CNPY4: variants seen among roughly 807,000 people sequenced by gnomAD.
CNPY4 encodes canopy FGF signaling regulator 4, also known as protein canopy homolog 4.
Under a neutral mutation model 30.1 loss-of-function variants are expected in CNPY4, and 33 were observed. The ratio of observed to expected loss-of-function variants is 1.10; its 90% confidence interval spans 0.83 to 1.46. The LOEUF is 1.46. CNPY4 is among the 40% of genes most tolerant of loss of function. CNPY4 has a pLI of 0.00. For synonymous variants in CNPY4, 109 were observed against 110.1 expected (o/e 0.99, Z 0.06); for missense variants, 324 against 302.6 (o/e 1.07, Z -0.52).
chr7:100,124,376 T>C, intron 4 of CNPY4, 138 bp from the exon 5 acceptor site: 2 of 653,482 alleles, frequency 3.1e-6, no homozygotes, highest in African/African-American at 1.8e-5. Flanking sequence ...TGAATGAGGA[T>C]TGCACATCTA....
chr7:100,123,446 A>C (rs1798125156), intron 4 of CNPY4, among the ~76,000 whole-genome samples: 1 of 152,092 alleles, frequency 6.6e-6, no homozygotes, highest in South Asian at 2.1e-4. Context: ...AGGGAGAAGG[A>C]CTGTTTGAGA....
intron 4 of CNPY4, 21 bp from the exon 5 acceptor site, chr7:100,124,493 C>T (rs1422898043): frequency 3.2e-6 from 5 of 1,567,046 alleles, no homozygotes; most frequent in Non-Finnish European, 4.4e-6. Flanking sequence ...AGATACTCTT[C>T]TGGCCCTTCT....
Position 100,119,741 on chromosome 7 carries a change from T to C in CNPY4, c.-4T>C. The C allele has an allele frequency of 6.2e-7, 1 of 1,614,202 alleles. No homozygotes were observed. The highest frequency in any genetic ancestry group is 1.1e-5 in the South Asian group (1 of 91,086). ...CGGTGATTGTTTGTAGACGGCGCTT[T>C]GTCATGGGACCTGTGCGGTTGGGAA... On this transcript the variant is annotated 5_prime_UTR_variant, in exon 1 of 6. Coordinates refer to ENST00000262932, the MANE Select transcript of CNPY4 (RefSeq NM_152755.2).
intron 1 of CNPY4, chr7:100,121,112 A>AT (rs1798040006): frequency 7.5e-4 from 23 of 30,714 alleles, no homozygotes; most frequent in South Asian, 1.2e-3. Flanking sequence ...ATATATATAT[A>AT]TATATTTTTT....
chr7:100,122,562 A>G lies in CNPY4; in HGVS notation c.327A>G (p.Ser109=). 6.2e-7 allele frequency: 1 copy of G among 1,610,344 alleles called. No homozygotes were observed. Among genetic ancestry groups the G allele is most frequent in the South Asian group, 1.1e-5 (1 of 90,630 alleles). The change falls in exon 3 of 6, where the codon TCA becomes TCG. Residue 109 remains serine, a synonymous_variant. Coordinates refer to ENST00000262932, the MANE Select transcript of CNPY4 (RefSeq NM_152755.2). ...DYSVHAERKG[S]LRYAKGQSQT... is the part of the protein sequence containing the mutation. The stretch of plus-strand genomic sequence containing the variant: ...GTGTTCACGCTGAGCGCAAGGGCTC[A>G]CTGAGATATGCCAAGGTCAGACCCT...
At chr7:100,121,864 C>T (rs552630256) in intron 1 of CNPY4, among the ~76,000 whole-genome samples, 12 of 148,992 alleles carry the variant, frequency 8.1e-5, no homozygotes, top group South Asian at 4.3e-4. Context: ...TCCTGGCTAA[C>T]ACGGTGAAAC....
chr7:100,123,391 G>C (rs548904312), intron 4 of CNPY4, among the ~76,000 whole-genome samples: 1 of 151,938 alleles, frequency 6.6e-6, no homozygotes, highest in African/African-American at 2.4e-5. Flanking sequence ...ATAATGAGCC[G>C]GGTGGAGTGG....
chr7:100,121,004 T>C (rs1220332226), intron 1 of CNPY4, among the ~76,000 whole-genome samples: 1 of 150,786 alleles, frequency 6.6e-6, no homozygotes, highest in East Asian at 1.9e-4. Context: ...GTGCTCACTA[T>C]GTGCCAGCCT....
Position 100,122,358 on chromosome 7 carries a change from G to A in CNPY4, c.218G>A (p.Arg73Lys), listed in dbSNP as rs770858624. 6.2e-7 allele frequency: 1 copy of A among 1,614,168 alleles called. No homozygotes were observed. Among genetic ancestry groups the A allele is most frequent in the East Asian group, 2.2e-5 (1 of 44,880 alleles). The change falls in exon 2 of 6, where the codon AGG becomes AAG. Residue 73 changes from arginine (R) to lysine (K), a missense_variant. By Grantham distance (26) the Arg-to-Lys change is conservative. Coordinates refer to ENST00000262932, the MANE Select transcript of CNPY4 (RefSeq NM_152755.2). ...ELGQVLDTGK[R>K]KRHVPYSVSE... ...GGGCAGGTGCTGGATACAGGCAAGA[G>A]GAAGAGACACGTGCCTTACAGCGTT...
In CNPY4 at chr7:100,122,512, T is replaced by G. The variant is rs777487086; in HGVS notation, c.277T>G (p.Leu93Val). The G allele has an allele frequency of 6.2e-7, 1 of 1,613,882 alleles. No individual in the cohort carries two copies. Among genetic ancestry groups the G allele is most frequent in the East Asian group, 2.2e-5 (1 of 44,868 alleles). Reference sequence around the variant, plus strand: ...AAGGCTGGAAGAGGCCTTAGAGAATTTATGTGAGCGGATCCTGGACTATAG... The same window carrying G: ...AAGGCTGGAAGAGGCCTTAGAGAATGTATGTGAGCGGATCCTGGACTATAG... ...ETRLEEALEN[L>V]CERILDYSVH... is the part of the protein sequence containing the mutation. Residue 93 changes from leucine (L) to valine (V), a missense_variant, in exon 3 of 6, where the codon TTA becomes GTA. Leu to Val is a conservative substitution (Grantham distance 32). Coordinates refer to ENST00000262932, the MANE Select transcript of CNPY4 (RefSeq NM_152755.2).
chr7:100,120,133 G>C (rs1056093743), intron 1 of CNPY4: 2 of 341,572 alleles, frequency 5.9e-6, no homozygotes, highest in African/African-American at 4.3e-5. Flanking sequence ...GGGACCATCG[G>C]CCCGGGACTG....
intron 1 of CNPY4, among the ~76,000 whole-genome samples, chr7:100,120,582 G>A (rs1798006504): frequency 1.3e-5 from 2 of 152,106 alleles, no homozygotes; most frequent in Admixed American, 6.5e-5. Flanking sequence ...ATCATGAAAG[G>A]CAGTCATGAC....
chr7:100,124,948 C>G lies in CNPY4; in HGVS notation c.*60C>G, dbSNP rs1209854260. ...CATGGAGAGCCCTCTAAAGCCTGCA[C>G]TCTCCCTGCTCCACAGCTTTCAGGG... On this transcript the variant is annotated 3_prime_UTR_variant, in exon 6 of 6. Transcript: ENST00000262932. 5.9e-6 allele frequency: 9 copies of G among 1,513,884 alleles called. No individual in the cohort carries two copies. The highest frequency in any genetic ancestry group is 7.1e-6 in the Non-Finnish European group (8 of 1,129,718). 93.8% of individuals were successfully genotyped at this position (1,513,884 alleles called of 1,614,324 possible). A position where few individuals can be genotyped will look rare whatever the true frequency, so the allele number is the denominator to read the frequency against.
intron 1 of CNPY4, among the ~76,000 whole-genome samples, chr7:100,120,752 C>G (rs891926681): frequency 2.6e-5 from 4 of 152,160 alleles, no homozygotes; most frequent in African/African-American, 7.2e-5. Flanking sequence ...GCCAACGGGC[C>G]TGGGCACAGT....
chr7:100,120,392 T>C (rs1375367293), intron 1 of CNPY4: 2 of 152,428 alleles, frequency 1.3e-5, no homozygotes, highest in African/African-American at 4.8e-5. Context: ...GGTGAGACTT[T>C]GCAGACGGTG....
chr7:100,122,052 A>C, intron 1 of CNPY4: 1 of 452,964 alleles, frequency 2.2e-6, no homozygotes, highest in South Asian at 2.4e-5. Flanking sequence ...TCCGTCTGAA[A>C]AAAAAAAAAA....
intron 4 of CNPY4, 30 bp downstream of exon 4, chr7:100,122,936 G>A (rs755033257): frequency 6.3e-7 from 1 of 1,587,540 alleles, no homozygotes; most frequent in Non-Finnish European, 8.6e-7. Flanking sequence ...CATCCAGGGA[G>A]GTGAGAAGGG....
At chr7:100,120,315 T>C (rs1584583591) in intron 1 of CNPY4, 1 of 153,900 alleles carries the variant, frequency 6.5e-6, no homozygotes, top group South Asian at 2.0e-4. Flanking sequence ...GGTTTGAGGG[T>C]GAGTAATTCA....
In CNPY4 at chr7:100,122,395, TC is replaced by T. The variant is rs1258487714; in HGVS notation, c.245+11del. 3 of 1,614,064 alleles carry T rather than the reference TC, an allele frequency of 1.9e-6. No homozygotes were observed. Among genetic ancestry groups the T allele is most frequent in the Non-Finnish European group, 1.7e-6 (2 of 1,180,010 alleles). On this transcript the variant is annotated intron_variant, in intron 2 of 5. Coordinates refer to ENST00000262932, the MANE Select transcript of CNPY4 (RefSeq NM_152755.2). The stretch of plus-strand genomic sequence containing the variant: ...TGCCTTACAGCGTTTCGTGAGTCCT[TC>T]GTGCTCCTCCCCTTTCCAACCCCCA...
Sources: allele counts gnomAD v4.1 joint callset (sites outside exome capture counted in the v4.1 genomes callset), GRCh38; gene constraint gnomAD v4.1.1; transcripts MANE v1.5; gene names NCBI Gene and HGNC (gene_info 2026-07-23, HGNC 2026-07-21).